The following VPS8 variants were observed in gnomAD, a reference collection of about 807,000 sequenced individuals.
The protein encoded by VPS8 is VPS8 subunit of CORVET complex.
VPS8 carries 129 observed loss-of-function variants against 216.4 expected under a neutral mutation model. The observed-to-expected ratio is 0.60, with a 90% CI of 0.52 to 0.69. VPS8 has a LOEUF of 0.69. Among genes scored for constraint, VPS8 ranks in the 30% least tolerant of loss-of-function variants. The probability of loss-of-function intolerance (pLI) is 0.00; values close to 1 mark genes in which losing one functional copy is unlikely to be tolerated. For missense variants in VPS8, 1,531 were observed against 1,683.5 expected (o/e 0.91, Z 1.59); for synonymous variants, 571 against 565.4 (o/e 1.01, Z -0.14).
intron 17 of VPS8, among the ~76,000 whole-genome samples, chr3:184,867,155 G>T (rs1181592042): frequency 6.6e-6 from 1 of 152,076 alleles, no homozygotes. Flanking sequence ...TTGTTTAGGT[G>T]CTGGCTAATA....
At chr3:184,985,797 T>G (rs1051381046) in intron 42 of VPS8, among the ~76,000 whole-genome samples, 1 of 152,214 alleles carries the variant, frequency 6.6e-6, no homozygotes, top group Admixed American at 6.5e-5. Flanking sequence ...AGTTCCTGTT[T>G]TTCCATTATA....
chr3:184,869,406 A>G (rs1727938883), intron 19 of VPS8, 76 bp from the exon 20 acceptor site: 4 of 1,432,424 alleles, frequency 2.8e-6, no homozygotes, highest in Non-Finnish European at 3.9e-6. Context: ...TCTTATAAAT[A>G]TGAAACCAGA....
rs1176768957 is a variant in VPS8 at position 184,925,436 on chromosome 3, A to G, written c.2574+455A>G. Among the ~76,000 whole-genome samples the G allele has an allele frequency of 2.0e-5, 3 of 152,210 alleles. No individual in the cohort carries two copies. In the East Asian group the frequency reaches 5.8e-4, roughly 29 times the overall value. On this transcript the variant is annotated intron_variant, in intron 30 of 47. Coordinates refer to ENST00000625842, the MANE Select transcript of VPS8 (RefSeq NM_001009921.3). ...TGTCTGGAGAAAGTAACTAAAAATG[A>G]CTAACATTTTCTGAGTCTTCACAAT...
chr3:184,825,968 A>G (rs1229462397), intron 2 of VPS8, among the ~76,000 whole-genome samples, 195 bp from the exon 3 acceptor site: 7 of 151,784 alleles, frequency 4.6e-5, no homozygotes, highest in Non-Finnish European at 7.4e-5. Flanking sequence ...TATGTCCTTG[A>G]TGGTAACTGA....
intron 36 of VPS8, among the ~76,000 whole-genome samples, chr3:184,952,552 A>G (rs1744899568): frequency 8.2e-6 from 1 of 122,230 alleles, no homozygotes; most frequent in Non-Finnish European, 1.9e-5. Flanking sequence ...AGGGAGGGGT[A>G]AAGGGAATAG....
intron 36 of VPS8, 60 bp downstream of exon 36, chr3:184,940,303 A>T: frequency 1.4e-6 from 1 of 724,646 alleles, no homozygotes; most frequent in Admixed American, 4.5e-5. Context: ...AAATAAAAGG[A>T]AATAAATAAA....
chr3:184,996,764 T>C (rs1416747662), intron 44 of VPS8, among the ~76,000 whole-genome samples: 1 of 152,058 alleles, frequency 6.6e-6, no homozygotes, highest in Non-Finnish European at 1.5e-5. Flanking sequence ...ACAAGTGCTG[T>C]TGAATGAGGG....
At chr3:185,049,897 A>G (rs1175402361) in intron 47 of VPS8, among the ~76,000 whole-genome samples, 2 of 151,940 alleles carry the variant, frequency 1.3e-5, no homozygotes, top group African/African-American at 4.8e-5. Flanking sequence ...TATTCCAGGA[A>G]GTTTCTCTAG....
intron 46 of VPS8, among the ~76,000 whole-genome samples, chr3:185,044,934 G>C (rs991246304): frequency 6.6e-6 from 1 of 152,190 alleles, no homozygotes; most frequent in African/African-American, 2.4e-5. Context: ...TGGTTGCAGA[G>C]GGGAAGGAGG....
intron 46 of VPS8, among the ~76,000 whole-genome samples, chr3:185,025,263 TA>T (rs1032109522): frequency 1.8e-4 from 27 of 152,366 alleles, no homozygotes; most frequent in African/African-American, 6.5e-4. Context: ...TATCCAGCTG[TA>T]AAAGTGCAGT....
intron 25 of VPS8, among the ~76,000 whole-genome samples, chr3:184,903,152 A>G (rs551877644): frequency 1.3e-5 from 2 of 152,278 alleles, no homozygotes; most frequent in South Asian, 2.1e-4. Flanking sequence ...CTGTATGTCT[A>G]TCCTTGTCCA....
intron 46 of VPS8, among the ~76,000 whole-genome samples, chr3:185,031,068 T>G (rs1019946080): frequency 2.1e-5 from 3 of 139,632 alleles, no homozygotes; most frequent in Admixed American, 7.0e-5. Context: ...TTGGCGTTTT[T>G]TTTTTTTTTT....
At chr3:184,966,093 T>C (rs1039308587) in intron 38 of VPS8, among the ~76,000 whole-genome samples, 1 of 152,160 alleles carries the variant, frequency 6.6e-6, no homozygotes, top group African/African-American at 2.4e-5. Flanking sequence ...TGTTAGCATC[T>C]AGCATCTGCT....
chr3:184,904,339 A>G (rs911477554), intron 25 of VPS8, among the ~76,000 whole-genome samples: 1 of 152,190 alleles, frequency 6.6e-6, no homozygotes, highest in Non-Finnish European at 1.5e-5. Context: ...TCATCATTAA[A>G]TTTGATGTAG....
At position 184,858,181 on chromosome 3, in the gene VPS8, A is replaced by G. The variant is rs565612325; in HGVS notation, c.1144-1804A>G. Among the ~76,000 whole-genome samples, 4 of 152,312 alleles carry G rather than the reference A, an allele frequency of 2.6e-5. No individual in the cohort carries two copies. In the East Asian group the frequency reaches 7.7e-4, roughly 29 times the overall value. Reference sequence around the variant, plus strand: ...CTTCAGTGTTCTGTTACCTTGGAGCAGAAGGGGAAGAAGCAAATTATAAGG... The same window carrying G: ...CTTCAGTGTTCTGTTACCTTGGAGCGGAAGGGGAAGAAGCAAATTATAAGG... On this transcript the variant is annotated intron_variant, in intron 14 of 47. Transcript: ENST00000625842.
At chr3:184,878,870 C>T (rs1467516039) in intron 21 of VPS8, among the ~76,000 whole-genome samples, 1 of 151,940 alleles carries the variant, frequency 6.6e-6, no homozygotes, top group Non-Finnish European at 1.5e-5. Context: ...CTCTGGTAGC[C>T]TGTGGAGATT....
At chr3:184,827,025 G>A (rs765012864) in intron 3 of VPS8, among the ~76,000 whole-genome samples, 3 of 152,144 alleles carry the variant, frequency 2.0e-5, no homozygotes, top group Non-Finnish European at 4.4e-5. Flanking sequence ...GACTTCCCTT[G>A]GAGGTTTTAG....
At chr3:184,829,454 G>T (rs1207484336) in intron 3 of VPS8, among the ~76,000 whole-genome samples, 2 of 152,160 alleles carry the variant, frequency 1.3e-5, no homozygotes, top group Non-Finnish European at 2.9e-5. Flanking sequence ...GACCTCAGGT[G>T]ATCTGCCTGC....
At chr3:184,913,945 C>T (rs1312572832) in intron 26 of VPS8, among the ~76,000 whole-genome samples, 2 of 152,198 alleles carry the variant, frequency 1.3e-5, no homozygotes, top group Non-Finnish European at 2.9e-5. Context: ...TTACTAGTGA[C>T]ACCTATGTGG....
Sources: allele counts gnomAD v4.1 joint callset (sites outside exome capture counted in the v4.1 genomes callset), GRCh38; gene constraint gnomAD v4.1.1; transcripts MANE v1.5; gene names NCBI Gene and HGNC (gene_info 2026-07-23, HGNC 2026-07-21).